Variants in PPARG observed in about 807,000 individuals in gnomAD.
PPARG encodes the protein peroxisome proliferator activated receptor gamma.
A neutral mutation model predicts 39.2 loss-of-function variants in PPARG; 17 were observed. The observed-to-expected ratio is 0.43, with a 90% confidence interval of 0.30 to 0.65. PPARG has a LOEUF of 0.65. PPARG is among the 30% of genes least tolerant of loss of function. PPARG has a pLI of 0.13. For missense variants in PPARG, 406 were observed against 585.9 expected (o/e 0.69, Z 3.17); for synonymous variants, 223 against 215.7 (o/e 1.03, Z -0.30).
chr3:12,419,286 GTTTAA>G (rs932565238), intron 7 of PPARG, among the ~76,000 whole-genome samples: 2 of 151,990 alleles, frequency 1.3e-5, no homozygotes, highest in Admixed American at 6.6e-5. Context: ...ACCTGGCATG[GTTTAA>G]TATCTTGACC....
At chr3:12,340,025 C>T (rs1178041247) in intron 2 of PPARG, among the ~76,000 whole-genome samples, 2 of 152,192 alleles carry the variant, frequency 1.3e-5, no homozygotes, top group Non-Finnish European at 2.9e-5. Flanking sequence ...CCAGAGGCTA[C>T]CTTCTCATCC....
At chr3:12,353,730 C>T (rs1322352586) in intron 2 of PPARG, among the ~76,000 whole-genome samples, 1 of 152,212 alleles carries the variant, frequency 6.6e-6, no homozygotes, top group African/African-American at 2.4e-5. Flanking sequence ...TTTTCCAAGG[C>T]TCCATCATTG....
At chr3:12,374,057 C>CT (rs2049318539) in intron 2 of PPARG, among the ~76,000 whole-genome samples, 1 of 152,070 alleles carries the variant, frequency 6.6e-6, no homozygotes, top group South Asian at 2.1e-4. Flanking sequence ...CTGGGATAAC[C>CT]AGTGGAAATA....
intron 5 of PPARG, among the ~76,000 whole-genome samples, chr3:12,397,115 GA>G (rs1183034433): frequency 3.3e-5 from 5 of 151,694 alleles, no homozygotes; most frequent in African/African-American, 7.3e-5. Context: ...AAAAACTATT[GA>G]AATCTTAGCT....
At chr3:12,385,110 A>G (rs909199122) in intron 4 of PPARG, among the ~76,000 whole-genome samples, 8 of 152,172 alleles carry the variant, frequency 5.3e-5, no homozygotes, top group African/African-American at 1.9e-4. Flanking sequence ...ATACGCAATA[A>G]AAAGCCAGGA....
At chr3:12,348,950 A>C (rs1276909532) in intron 2 of PPARG, among the ~76,000 whole-genome samples, 1 of 152,166 alleles carries the variant, frequency 6.6e-6, no homozygotes, top group Non-Finnish European at 1.5e-5. Flanking sequence ...GGGAATCTTA[A>C]GGCTTTGAAG....
intron 2 of PPARG, among the ~76,000 whole-genome samples, chr3:12,312,939 T>A (rs2047289332): frequency 6.6e-6 from 1 of 152,186 alleles, no homozygotes; most frequent in African/African-American, 2.4e-5. Flanking sequence ...GCATTAAAAC[T>A]ACTTCCTTCC....
intron 1 of PPARG, chr3:12,301,658 G>A (rs1282327147): frequency 1.4e-5 from 2 of 138,118 alleles, no homozygotes; most frequent in Non-Finnish European, 3.2e-5. Flanking sequence ...GGTGTAGAAC[G>A]AAGGTAGGAG....
At chr3:12,352,208 T>G (rs2048510676) in intron 2 of PPARG, among the ~76,000 whole-genome samples, 1 of 152,214 alleles carries the variant, frequency 6.6e-6, no homozygotes, top group Admixed American at 6.5e-5. Context: ...GACCAAGTGG[T>G]GCTCTTTATT....
In PPARG at chr3:12,338,854, T is replaced by C. The variant is rs182096727; in HGVS notation, c.-9+26401T>C. ...ACCTTAGACAACTAAAGTTGTGATA[T>C]TGGGCACCAGTGAAATCACAGGTAG... On this transcript the variant is annotated intron_variant, in intron 2 of 7. Transcript: ENST00000651735. 2.8e-3 allele frequency among the ~76,000 whole-genome samples: 427 copies of C among 152,344 alleles called. 2 individuals are homozygous for C. Among genetic ancestry groups the C allele is most frequent in the African/African-American group, 9.5e-3 (395 of 41,578 alleles).
intron 1 of PPARG, among the ~76,000 whole-genome samples, chr3:12,297,567 A>G (rs569959462): frequency 2.6e-5 from 4 of 152,236 alleles, no homozygotes; most frequent in African/African-American, 9.6e-5. Flanking sequence ...TTTATTTTAT[A>G]CTAAATTTTA....
chr3:12,295,722 C>T (rs1178789068), intron 1 of PPARG, among the ~76,000 whole-genome samples: 1 of 150,688 alleles, frequency 6.6e-6, no homozygotes, highest in Non-Finnish European at 1.5e-5. Context: ...ACCATGTTGG[C>T]CAGTCTGGTC....
intron 5 of PPARG, among the ~76,000 whole-genome samples, chr3:12,397,943 G>C (rs1305151090): frequency 6.6e-6 from 1 of 152,070 alleles, no homozygotes; most frequent in Non-Finnish European, 1.5e-5. Flanking sequence ...GCATTTTGCT[G>C]TTCCTGGAAA....
intron 2 of PPARG, among the ~76,000 whole-genome samples, chr3:12,345,798 C>G (rs2048309168): frequency 6.6e-6 from 1 of 152,198 alleles, no homozygotes; most frequent in Non-Finnish European, 1.5e-5. Flanking sequence ...TCTACGCTTG[C>G]TGTAGAACCT....
chr3:12,288,550 G>A (rs2046567812), upstream of PPARG, among the ~76,000 whole-genome samples: 1 of 152,048 alleles, frequency 6.6e-6, no homozygotes, highest in African/African-American at 2.4e-5. Context: ...ACCCGGGGAA[G>A]CGAAGATCCG....
At chr3:12,418,930 T>C (rs1029517324) in intron 7 of PPARG, among the ~76,000 whole-genome samples, 3 of 152,126 alleles carry the variant, frequency 2.0e-5, no homozygotes, top group Admixed American at 6.5e-5. Context: ...TTTTTGTTGT[T>C]GTTGTTGTTT....
At position 12,323,856 on chromosome 3, in the gene PPARG, A is replaced by T. The variant is rs185281736; in HGVS notation, c.-9+11403A>T. Among the ~76,000 whole-genome samples the T allele has an allele frequency of 3.6e-3, 543 of 152,300 alleles. 2 individuals carry two copies. The highest frequency in any genetic ancestry group is 5.0e-3 in the Non-Finnish European group (340 of 68,024). ...TGGTAGGAATATTTCAGCATTTAGA[A>T]GGTAATAGTAAATTAATGGAGGAAG... is the stretch of plus-strand genomic sequence containing the variant. On this transcript the variant is annotated intron_variant, in intron 2 of 7. Transcript: ENST00000651735.
intron 7 of PPARG, among the ~76,000 whole-genome samples, chr3:12,432,392 A>T (rs182698163): frequency 1.3e-5 from 2 of 151,712 alleles, no homozygotes; most frequent in East Asian, 3.8e-4. Context: ...CTCTTCAGAT[A>T]TCATAGCTCT....
At chr3:12,371,750 C>G (rs1299543264) in intron 2 of PPARG, 2 of 531,670 alleles carry the variant, frequency 3.8e-6, no homozygotes, top group South Asian at 1.6e-5. Context: ...TCCAGTCAGC[C>G]TCTAGCTCAC....
Sources: gnomAD v4.1 joint callset for allele counts (sites outside exome capture counted in the v4.1 genomes callset) on GRCh38, gnomAD v4.1.1 for gene constraint, MANE v1.5 for transcripts, NCBI Gene and HGNC (gene_info 2026-07-23, HGNC 2026-07-21) for gene names.